SLC1A2: variants seen among roughly 807,000 people sequenced by gnomAD.
The protein encoded by SLC1A2 is excitatory amino acid transporter 2.
A neutral mutation model predicts 48.8 loss-of-function variants in SLC1A2; 15 were observed. The ratio of observed to expected loss-of-function variants is 0.31; its 90% confidence interval spans 0.21 to 0.47. The LOEUF is 0.47. Among genes scored for constraint, SLC1A2 ranks in the 20% least tolerant of loss-of-function variants. The probability of loss-of-function intolerance (pLI) is 0.99; values close to 1 mark genes in which losing one functional copy is unlikely to be tolerated. For synonymous variants in SLC1A2, 279 were observed against 272.6 expected (o/e 1.02, Z -0.23); for missense variants, 502 against 730.5 (o/e 0.69, Z 3.61).
chr11:35,339,213 T>C (rs1852746557), intron 1 of SLC1A2, among the ~76,000 whole-genome samples: 1 of 152,214 alleles, frequency 6.6e-6, no homozygotes, highest in Non-Finnish European at 1.5e-5. Flanking sequence ...GACCTCCCTC[T>C]GTTGGGATAT....
At chr11:35,380,679 AG>A (rs373626057) in intron 1 of SLC1A2, 202 of 307,970 alleles carry the variant, frequency 6.6e-4, no homozygotes, top group African/African-American at 3.7e-3. Flanking sequence ...AATAAATAAA[AG>A]GGCTGCGTGA....
At position 35,354,841 on chromosome 11, in the gene SLC1A2, G is replaced by A. The variant is rs142843862; in HGVS notation, c.18-37325C>T. ...GCCTACTCTCATGTGGACACAAATAGATACCAGAAGCCTGGCCTAGCCCCA... is the reference window on the plus strand; with the variant it reads ...GCCTACTCTCATGTGGACACAAATAAATACCAGAAGCCTGGCCTAGCCCCA... On this transcript the variant is annotated intron_variant, in intron 1 of 10. Transcript: ENST00000278379. Among the ~76,000 whole-genome samples, 18 of 152,302 alleles carry A rather than the reference G, an allele frequency of 1.2e-4. No individual in the cohort carries two copies. In the East Asian group the frequency reaches 3.1e-3, roughly 26 times the overall value.
At position 35,310,947 on chromosome 11, in the gene SLC1A2, C is replaced by G. The variant is rs550821135; in HGVS notation, c.561+1251G>C. On this transcript the variant is annotated intron_variant, in intron 4 of 10. Transcript: ENST00000278379. The stretch of plus-strand genomic sequence containing the variant: ...CTTTTGTAGTGCCATTTTGCAACAG[C>G]CAGCAAACTCAAAATACAAAACTCC... Among the ~76,000 whole-genome samples the G allele has an allele frequency of 2.0e-3, 298 of 152,150 alleles. 3 individuals are homozygous for G. The Middle Eastern group carries it at 0.02, about 10-fold the overall frequency.
chr11:35,310,204 T>C (rs1486309637), intron 4 of SLC1A2, among the ~76,000 whole-genome samples: 1 of 152,208 alleles, frequency 6.6e-6, no homozygotes, highest in African/African-American at 2.4e-5. Context: ...TGTCCAAATC[T>C]GTCCTTCCCA....
chr11:35,319,527 A>G (rs1324491398), intron 1 of SLC1A2, among the ~76,000 whole-genome samples: 1 of 152,248 alleles, frequency 6.6e-6, no homozygotes, highest in Non-Finnish European at 1.5e-5. Context: ...TGAAATGAGA[A>G]TCAGGCACAT....
chr11:35,322,508 C>T, intron 1 of SLC1A2: 1 of 1,133,314 alleles, frequency 8.8e-7, no homozygotes, highest in East Asian at 2.6e-5. Flanking sequence ...AGCCTAAAAG[C>T]AACTGGTGTG....
At chr11:35,314,801 T>A (rs1363899997) in intron 3 of SLC1A2, among the ~76,000 whole-genome samples, 1 of 151,166 alleles carries the variant, frequency 6.6e-6, no homozygotes, top group Non-Finnish European at 1.5e-5. Context: ...TTTTTTTTCT[T>A]TTTTTTGCTG....
At chr11:35,267,889 C>G (rs535833538) in intron 9 of SLC1A2, among the ~76,000 whole-genome samples, 1 of 152,224 alleles carries the variant, frequency 6.6e-6, no homozygotes, top group African/African-American at 2.4e-5. Flanking sequence ...TTCACCTTAT[C>G]TTATGTAAAG....
intron 1 of SLC1A2, among the ~76,000 whole-genome samples, chr11:35,348,228 TG>T (rs1277119506): frequency 1.3e-5 from 2 of 152,164 alleles, no homozygotes; most frequent in Non-Finnish European, 2.9e-5. Context: ...CTGGGCCATC[TG>T]TTTTTAATAA....
intron 1 of SLC1A2, among the ~76,000 whole-genome samples, chr11:35,333,530 A>G (rs1852505698): frequency 1.3e-5 from 2 of 152,206 alleles, no homozygotes; most frequent in African/African-American, 4.8e-5. Context: ...ACCTTAAGAT[A>G]AGGATTCCTT....
rs1853475563 is a variant in SLC1A2, at chr11:35,356,580, C to A, written c.18-39064G>T. On this transcript the variant is annotated intron_variant, in intron 1 of 10. Coordinates refer to ENST00000278379, the MANE Select transcript of SLC1A2 (RefSeq NM_004171.4). Reference sequence around the variant, plus strand: ...TGATCAAGAATATAACGTATCTTTTCTCTGGGGCAGCAAAATTCAAGGATC... The same window carrying A: ...TGATCAAGAATATAACGTATCTTTTATCTGGGGCAGCAAAATTCAAGGATC... 2.0e-5 allele frequency among the ~76,000 whole-genome samples: 3 copies of A among 152,174 alleles called. No individual in the cohort carries two copies. The South Asian group carries it at 6.2e-4, about 32-fold the overall frequency.
At chr11:35,347,393 C>G (rs1853078360) in intron 1 of SLC1A2, among the ~76,000 whole-genome samples, 1 of 152,138 alleles carries the variant, frequency 6.6e-6, no homozygotes, top group Admixed American at 6.5e-5. Flanking sequence ...GCATTTGGAC[C>G]ACTTTAAAGA....
chr11:35,399,861 G>C (rs1590276334), intron 1 of SLC1A2, among the ~76,000 whole-genome samples: 1 of 152,146 alleles, frequency 6.6e-6, no homozygotes, highest in Non-Finnish European at 1.5e-5. Context: ...TTCAACATAG[G>C]GTGATGTGGG....
chr11:35,286,854 T>C lies in SLC1A2; in HGVS notation c.1189A>G (p.Asn397Asp). 6 of 1,613,968 alleles carry C rather than the reference T, an allele frequency of 3.7e-6. No individual in the cohort carries two copies. Among genetic ancestry groups the C allele is most frequent in the Non-Finnish European group, 5.1e-6 (6 of 1,179,854 alleles). The change falls in exon 8 of 11, where the codon AAC becomes GAC. Residue 397 changes from asparagine (N) to aspartate (D), a missense_variant. Coordinates refer to ENST00000278379, the MANE Select transcript of SLC1A2 (RefSeq NM_004171.4). Reference sequence around the variant, plus strand: ...TCATAAAGGGCTGTACCATCCATGTTAATGGTTGCTCCAACAGGAAGGACG... The same window carrying C: ...TCATAAAGGGCTGTACCATCCATGTCAATGGTTGCTCCAACAGGAAGGACG... ...RFVLPVGATI[N>D]MDGTALYEAV...
intron 1 of SLC1A2, among the ~76,000 whole-genome samples, chr11:35,372,923 G>A (rs2135172268): frequency 6.6e-6 from 1 of 152,314 alleles, no homozygotes; most frequent in Middle Eastern, 3.4e-3. Flanking sequence ...TACAGGTGGG[G>A]AAACTGAGGC....
chr11:35,327,877 C>T (rs1340599986), intron 1 of SLC1A2, among the ~76,000 whole-genome samples: 2 of 152,176 alleles, frequency 1.3e-5, no homozygotes, highest in East Asian at 3.8e-4. Context: ...TAAACCTGTG[C>T]TGTCCTTTGC....
intron 1 of SLC1A2, among the ~76,000 whole-genome samples, chr11:35,400,267 A>G (rs1855094475): frequency 1.3e-5 from 2 of 152,200 alleles, no homozygotes; most frequent in South Asian, 4.1e-4. Context: ...ATATCCAACA[A>G]TAGGAGATAG....
rs894016922 is a variant in SLC1A2, at chr11:35,255,343, G to A, written c.*5551C>T. 3.3e-5 allele frequency: 5 copies of A among 152,392 alleles called. No homozygotes were observed. Among genetic ancestry groups the A allele is most frequent in the African/African-American group, 4.8e-5 (2 of 41,416 alleles). 9.4% of individuals were successfully genotyped at this position (152,392 alleles called of 1,614,324 possible). ...CTACAAACTAATCAGGCCTTGAAGA[G>A]GGCAATGATAGTCAGAAAATTCCAT... On this transcript the variant is annotated 3_prime_UTR_variant, in exon 11 of 11. Transcript: ENST00000278379.
intron 1 of SLC1A2, among the ~76,000 whole-genome samples, chr11:35,329,032 A>T (rs1852339465): frequency 6.6e-6 from 1 of 152,246 alleles, no homozygotes; most frequent in Admixed American, 6.5e-5. Context: ...TGGATAAACC[A>T]TGGTACATGC....
Sources: allele counts gnomAD v4.1 joint callset (sites outside exome capture counted in the v4.1 genomes callset), GRCh38; gene constraint gnomAD v4.1.1; transcripts MANE v1.5; gene names NCBI Gene and HGNC (gene_info 2026-07-23, HGNC 2026-07-21).